The following MYO3B variants were observed in gnomAD, a reference collection of about 807,000 sequenced individuals.
The protein encoded by MYO3B is myosin-IIIb.
Under a neutral mutation model 174.6 loss-of-function variants are expected in MYO3B, and 156 were observed. The ratio of observed to expected loss-of-function variants is 0.89; its 90% CI spans 0.78 to 1.02. The LOEUF (loss-of-function observed/expected upper bound fraction) is 1.02. Among genes scored for constraint, MYO3B ranks in the 50% least tolerant of loss-of-function variants. The pLI is 0.00. For synonymous variants in MYO3B, 563 were observed against 569.1 expected (o/e 0.99, Z 0.15); for missense variants, 1,632 against 1,639.4 (o/e 1.00, Z 0.08).
At chr2:170,482,476 G>A (rs980397075) in intron 25 of MYO3B, among the ~76,000 whole-genome samples, 4 of 152,102 alleles carry the variant, frequency 2.6e-5, no homozygotes, top group East Asian at 1.9e-4. Context: ...TTTGCCTGCC[G>A]CCATCCACGT....
intron 6 of MYO3B, among the ~76,000 whole-genome samples, chr2:170,229,855 G>A (rs2105282359): frequency 6.6e-6 from 1 of 152,184 alleles, no homozygotes; most frequent in African/African-American, 2.4e-5. Flanking sequence ...TGCAAGAGAG[G>A]GTGGAACTCA....
intron 24 of MYO3B, among the ~76,000 whole-genome samples, chr2:170,465,770 A>G (rs1004716592): frequency 6.6e-6 from 1 of 152,224 alleles, no homozygotes; most frequent in African/African-American, 2.4e-5. Flanking sequence ...ACTAGGTAAC[A>G]CCAATTTTGA....
At chr2:170,179,261 G>T (rs1002959425) in intron 1 of MYO3B, among the ~76,000 whole-genome samples, 3 of 152,144 alleles carry the variant, frequency 2.0e-5, no homozygotes, top group Admixed American at 6.5e-5. Flanking sequence ...AACCATAAAG[G>T]TCAGTTCTAG....
At chr2:170,307,028 C>T (rs1239868244) in intron 7 of MYO3B, among the ~76,000 whole-genome samples, 1 of 151,848 alleles carries the variant, frequency 6.6e-6, no homozygotes, top group African/African-American at 2.4e-5. Flanking sequence ...ATTTCAAAAT[C>T]TCTGTGTTTT....
chr2:170,458,785 T>C (rs1211806771), intron 23 of MYO3B, among the ~76,000 whole-genome samples: 1 of 152,210 alleles, frequency 6.6e-6, no homozygotes, highest in Non-Finnish European at 1.5e-5. Context: ...GAAATTCTTT[T>C]AGATCCATTC....
intron 32 of MYO3B, among the ~76,000 whole-genome samples, chr2:170,588,967 A>C (rs1174686060): frequency 6.6e-6 from 1 of 152,184 alleles, no homozygotes; most frequent in Non-Finnish European, 1.5e-5. Context: ...TGAGACGGCC[A>C]ACAACTTTAA....
chr2:170,309,498 A>G (rs1364695539), intron 7 of MYO3B, among the ~76,000 whole-genome samples: 2 of 152,040 alleles, frequency 1.3e-5, no homozygotes, highest in African/African-American at 4.8e-5. Context: ...ATCTTCAGGG[A>G]TATCTTCCCT....
In MYO3B at chr2:170,514,919, A is replaced by C; in HGVS notation, c.3371-2A>C. The C allele has an allele frequency of 5.0e-6, 8 of 1,613,164 alleles. No homozygotes were observed. The highest frequency in any genetic ancestry group is 6.8e-6 in the Non-Finnish European group (8 of 1,179,424). ...AGAAAGTCTTTTTGTTTCATTCCAC[A>C]GGGGACACTTCAAACCAAAGCAGTG... On this transcript the variant is annotated splice_acceptor_variant, in intron 28 of 34. Transcript: ENST00000408978. LOFTEE classifies it high-confidence loss of function.
At chr2:170,590,539 CT>C (rs1693755079) in intron 32 of MYO3B, among the ~76,000 whole-genome samples, 1 of 151,536 alleles carries the variant, frequency 6.6e-6, no homozygotes, top group African/African-American at 2.4e-5. Flanking sequence ...AGGCTACTTT[CT>C]TCAAACATTT....
chr2:170,523,386 C>A (rs1272579694), intron 30 of MYO3B, among the ~76,000 whole-genome samples: 1 of 151,736 alleles, frequency 6.6e-6, no homozygotes, highest in Non-Finnish European at 1.5e-5. Flanking sequence ...CTGTTGTCCC[C>A]CTTATGTTTG....
At position 170,445,955 on chromosome 2, in the gene MYO3B, G is replaced by A. The variant is rs562909715; in HGVS notation, c.2730+1909G>A. 3.3e-5 allele frequency among the ~76,000 whole-genome samples: 5 copies of A among 151,594 alleles called. 1 individual carries two copies. The South Asian group carries it at 8.4e-4, about 26-fold the overall frequency. ...ATCCACCCTGGGTTGGGCAGGGGTC[G>A]GGGGCAGCATTTTAAACAGCAAAAT... On this transcript the variant is annotated intron_variant, in intron 23 of 34. Transcript: ENST00000408978.
chr2:170,361,056 A>G (rs533075196), intron 8 of MYO3B, among the ~76,000 whole-genome samples: 1 of 152,346 alleles, frequency 6.6e-6, no homozygotes, highest in Non-Finnish European at 1.5e-5. Context: ...TCTTCCTCCA[A>G]TGGACTGACT....
intron 7 of MYO3B, among the ~76,000 whole-genome samples, chr2:170,236,633 A>G (rs960169116): frequency 1.3e-5 from 2 of 152,192 alleles, no homozygotes; most frequent in Non-Finnish European, 2.9e-5. Flanking sequence ...GTGCGGAAAG[A>G]GGTCTGTTTG....
At chr2:170,623,029 A>G (rs1696075735) in intron 32 of MYO3B, among the ~76,000 whole-genome samples, 1 of 152,108 alleles carries the variant, frequency 6.6e-6, no homozygotes, top group African/African-American at 2.4e-5. Context: ...GCCGCAGTAA[A>G]CATACGTGTG....
At chr2:170,471,836 A>G (rs1684993450) in intron 25 of MYO3B, among the ~76,000 whole-genome samples, 1 of 152,088 alleles carries the variant, frequency 6.6e-6, no homozygotes, top group African/African-American at 2.4e-5. Flanking sequence ...TACTAAAAAT[A>G]CAAAATTAGC....
At chr2:170,465,969 G>C (rs927921419) in intron 24 of MYO3B, among the ~76,000 whole-genome samples, 1 of 152,118 alleles carries the variant, frequency 6.6e-6, no homozygotes, top group East Asian at 1.9e-4. Flanking sequence ...TGTACCAGCT[G>C]CTTGGTGTAT....
chr2:170,474,283 C>T (rs1468479204), intron 25 of MYO3B, among the ~76,000 whole-genome samples: 2 of 152,130 alleles, frequency 1.3e-5, no homozygotes, highest in African/African-American at 4.8e-5. Context: ...CTCTCTGACT[C>T]TCTGAGCCTG....
chr2:170,563,751 TCCA>T (rs1351541464), intron 32 of MYO3B, among the ~76,000 whole-genome samples: 1 of 152,194 alleles, frequency 6.6e-6, no homozygotes, highest in Non-Finnish European at 1.5e-5. Context: ...TGCAATTCTC[TCCA>T]CTTTTTCTTC....
At chr2:170,387,878 G>A (rs146281916) in intron 14 of MYO3B, among the ~76,000 whole-genome samples, 334 of 152,052 alleles carry the variant, frequency 2.2e-3, no homozygotes, top group Non-Finnish European at 2.9e-3. Flanking sequence ...TTGTTGTGAG[G>A]ATTAACATGT....
Sources: gnomAD v4.1 joint callset for allele counts (sites outside exome capture counted in the v4.1 genomes callset) on GRCh38, gnomAD v4.1.1 for gene constraint, MANE v1.5 for transcripts, NCBI Gene and HGNC (gene_info 2026-07-23, HGNC 2026-07-21) for gene names.